Variants in VPS13A observed in about 807,000 individuals in gnomAD.
VPS13A encodes the protein vacuolar protein sorting 13 homolog A, also known as intermembrane lipid transfer protein VPS13A.
VPS13A carries 264 observed loss-of-function variants against 390.9 expected under a neutral mutation model. The ratio of observed to expected loss-of-function variants is 0.68; its 90% CI spans 0.61 to 0.75. The LOEUF (loss-of-function observed/expected upper bound fraction) is 0.75. Among genes scored for constraint, VPS13A ranks in the 30% least tolerant of loss-of-function variants. The probability of loss-of-function intolerance (pLI) is 0.00; values close to 1 mark genes in which losing one functional copy is unlikely to be tolerated. For synonymous variants in VPS13A, 1,231 were observed against 1,227.1 expected (o/e 1.00, Z -0.07); for missense variants, 3,409 against 3,733.9 (o/e 0.91, Z 2.27).
intron 45 of VPS13A, among the ~76,000 whole-genome samples, chr9:77,325,127 T>C (rs1008468904): frequency 6.6e-6 from 1 of 152,102 alleles, no homozygotes; most frequent in African/African-American, 2.4e-5. Flanking sequence ...TAACCACAGA[T>C]CATCAGGCAT....
At chr9:77,352,603 A>G (rs1831532525) in intron 53 of VPS13A, among the ~76,000 whole-genome samples, 1 of 152,200 alleles carries the variant, frequency 6.6e-6, no homozygotes, top group Non-Finnish European at 1.5e-5. Context: ...AAGCTTATAA[A>G]GATAAATCAG....
chr9:77,260,889 T>A (rs1253002207), intron 23 of VPS13A, among the ~76,000 whole-genome samples: 2 of 151,734 alleles, frequency 1.3e-5, no homozygotes, highest in African/African-American at 4.9e-5. Context: ...TGTGTATACA[T>A]ACATGTATAT....
chr9:77,259,647 A>G (rs1564672222), intron 22 of VPS13A, among the ~76,000 whole-genome samples: 1 of 152,200 alleles, frequency 6.6e-6, no homozygotes, highest in Non-Finnish European at 1.5e-5. Context: ...ATGATCTTTG[A>G]TACATAGTCT....
chr9:77,205,558 C>T, intron 4 of VPS13A, 150 bp downstream of exon 4: 1 of 337,000 alleles, frequency 3.0e-6, no homozygotes, highest in Non-Finnish European at 5.3e-6. Context: ...TTTTACTCTA[C>T]ATTTTTGGCA....
At chr9:77,302,892 A>T in intron 33 of VPS13A, 23 bp from the exon 34 acceptor site, 1 of 1,606,372 alleles carries the variant, frequency 6.2e-7, no homozygotes, top group Non-Finnish European at 8.5e-7. Context: ...AACAATTTAA[A>T]AGAATGTTAT....
intron 17 of VPS13A, among the ~76,000 whole-genome samples, chr9:77,232,083 G>A (rs1823863991): frequency 3.3e-5 from 5 of 151,916 alleles, no homozygotes; most frequent in Admixed American, 3.3e-4. Context: ...CTTTATTTTT[G>A]GACTCTCAAT....
intron 1 of VPS13A, among the ~76,000 whole-genome samples, chr9:77,187,359 A>G (rs76385609): frequency 6.6e-6 from 1 of 152,290 alleles, no homozygotes; most frequent in African/African-American, 2.4e-5. Flanking sequence ...ACAGTGTACA[A>G]AGGTCACCAT....
intron 31 of VPS13A, among the ~76,000 whole-genome samples, chr9:77,290,451 A>AT (rs1333901755): frequency 6.6e-6 from 1 of 151,364 alleles, no homozygotes; most frequent in Non-Finnish European, 1.5e-5. Flanking sequence ...AATATTTTTC[A>AT]TTTTTTTCTT....
intron 68 of VPS13A, among the ~76,000 whole-genome samples, chr9:77,387,992 A>AG (rs1192778268): frequency 6.6e-6 from 1 of 152,144 alleles, no homozygotes; most frequent in Non-Finnish European, 1.5e-5. Flanking sequence ...TGGTGATGGG[A>AG]GAAGGACCAG....
chr9:77,394,082 G>C (rs548572419), intron 68 of VPS13A, among the ~76,000 whole-genome samples: 1 of 151,312 alleles, frequency 6.6e-6, no homozygotes, highest in South Asian at 2.1e-4. Context: ...TTTTTCTTTT[G>C]AGATAAGAGT....
rs562075711 is a variant in VPS13A, at chr9:77,382,475, C to G, written c.9189+388C>G. 4,554 of 1,335,134 alleles carry G rather than the reference C, an allele frequency of 3.4e-3. 10 individuals are homozygous for G. The highest frequency in any genetic ancestry group is 4.1e-3 in the Non-Finnish European group (4,249 of 1,043,282). 82.7% of individuals were successfully genotyped at this position (1,335,134 alleles called of 1,614,324 possible). The stretch of plus-strand genomic sequence containing the variant: ...TTTATAGGGTGTTCTTAGTTCTGCA[C>G]TGGATTTGCTAGATTTGTTGGAAGC... On this transcript the variant is annotated intron_variant, in intron 68 of 71. Transcript: ENST00000360280.
chr9:77,273,486 G>T, intron 24 of VPS13A, 122 bp downstream of exon 24: 1 of 737,928 alleles, frequency 1.4e-6, no homozygotes, highest in Non-Finnish European at 2.2e-6. Context: ...TAAAATCTAG[G>T]TTCTTGACTG....
chr9:77,275,602 G>A lies in VPS13A; in HGVS notation c.2617G>A (p.Asp873Asn), dbSNP rs753622046. Residue 873 changes from aspartate to asparagine, a missense_variant, in exon 25 of 72, where the codon GAT becomes AAT. By Grantham distance (23) the Asp-to-Asn change is conservative. Transcript: ENST00000360280. ...TCGAACCAGAAAGTTACAAAAGCAG[G>A]ATTGTTCAGTAAATATGACTACATT... is the stretch of plus-strand genomic sequence containing the variant. Reference protein sequence around the residue: ...SIRTRKLQKQDCSVNMTTFKI... With the variant: ...SIRTRKLQKQNCSVNMTTFKI... 6.2e-7 allele frequency: 1 copy of A among 1,613,640 alleles called. No individual in the cohort carries two copies. Among genetic ancestry groups the A allele is most frequent in the Non-Finnish European group, 8.5e-7 (1 of 1,179,718 alleles).
chr9:77,247,298 T>C lies in VPS13A; in HGVS notation c.1940T>C (p.Leu647Pro), dbSNP rs1824872275. The change falls in exon 20 of 72, where the codon CTC becomes CCC. Residue 647 changes from leucine (L) to proline (P), a missense_variant. By Grantham distance (98) the Leu-to-Pro change is moderately conservative. This residue lies in a region of VPS13A where 2,717 missense variants were observed against 2,917.4 expected (regional missense o/e 0.93). Transcript: ENST00000360280. ...YIIETQKVLD[L>P]KINLKASYII... Reference sequence around the variant, plus strand: ...ATTGAAACACAGAAAGTTCTTGATCTCAAAATTAATTTGAAGGCTTCATAT... The same window carrying C: ...ATTGAAACACAGAAAGTTCTTGATCCCAAAATTAATTTGAAGGCTTCATAT... 1 of 1,606,696 alleles carries C rather than the reference T, an allele frequency of 6.2e-7. No individual in the cohort carries two copies. The highest frequency in any genetic ancestry group is 8.5e-7 in the Non-Finnish European group (1 of 1,176,034).
intron 47 of VPS13A, 192 bp downstream of exon 47, chr9:77,337,729 A>G (rs973561400): frequency 2.6e-5 from 15 of 573,994 alleles, no homozygotes; most frequent in Non-Finnish European, 4.1e-5. Flanking sequence ...ACTAGACTTC[A>G]GTGACAAAAA....
chr9:77,372,162 T>C (rs62573252), intron 67 of VPS13A, among the ~76,000 whole-genome samples: 20,238 of 151,222 alleles, frequency 0.13, 1,571 homozygotes, highest in African/African-American at 0.22. Flanking sequence ...TTTGGGTATA[T>C]ACCCAGTAAT....
chr9:77,337,377 C>G lies in VPS13A; in HGVS notation c.6218C>G (p.Ser2073Cys), dbSNP rs1181784894. 5.0e-6 allele frequency: 8 copies of G among 1,612,652 alleles called. No individual in the cohort carries two copies. The highest frequency in any genetic ancestry group is 5.9e-6 in the Non-Finnish European group (7 of 1,178,952). The change falls in exon 47 of 72, where the codon TCT becomes TGT. Residue 2073 changes from serine to cysteine, a missense_variant. This residue lies in a region of VPS13A where 2,717 missense variants were observed against 2,917.4 expected (regional missense o/e 0.93). Transcript: ENST00000360280. ...AAGAAATGTAGATCTAAAAACCCTT[C>G]TAAGGAATCATTTCTCATTAATATT... The part of the protein sequence containing the change: ...LKKKCRSKNP[S>C]KESFLINIVP...
chr9:77,275,772 A>G (rs1326105360), intron 25 of VPS13A, 120 bp downstream of exon 25: 25 of 1,215,852 alleles, frequency 2.1e-5, no homozygotes, highest in Admixed American at 6.1e-5. Context: ...AAGTAATTCC[A>G]GACTTGCTGT....
At chr9:77,256,557 G>A (rs1404002199) in intron 22 of VPS13A, among the ~76,000 whole-genome samples, 2 of 152,000 alleles carry the variant, frequency 1.3e-5, no homozygotes, top group African/African-American at 4.8e-5. Flanking sequence ...ACTGCCTGGT[G>A]TTTCTATTCA....
Sources: gnomAD v4.1 joint callset for allele counts (sites outside exome capture counted in the v4.1 genomes callset) on GRCh38, gnomAD v4.1.1 for gene constraint, gnomAD v4.1.1 regional missense constraint, MANE v1.5 for transcripts, NCBI Gene and HGNC (gene_info 2026-07-23, HGNC 2026-07-21) for gene names.